KCNH5: variants seen among roughly 807,000 people sequenced by gnomAD.
KCNH5 encodes the protein voltage-gated delayed rectifier potassium channel KCNH5.
Under a neutral mutation model 96.1 loss-of-function variants are expected in KCNH5, and 46 were observed. The ratio of observed to expected loss-of-function variants is 0.48; its 90% confidence interval spans 0.38 to 0.61. The LOEUF (loss-of-function observed/expected upper bound fraction) is 0.61, where lower values mean the gene tolerates loss of function less well. Among genes scored for constraint, KCNH5 ranks in the 20% least tolerant of loss-of-function variants. KCNH5 has a pLI of 0.00. For synonymous variants in KCNH5, 439 were observed against 449.8 expected, an observed-to-expected ratio of 0.98 and a Z score of 0.30; for missense variants, 907 against 1,225.8, an observed-to-expected ratio of 0.74 and a Z score of 3.88.
intron 7 of KCNH5, among the ~76,000 whole-genome samples, chr14:62,922,875 G>C (rs1889405830): frequency 6.6e-6 from 1 of 151,832 alleles, no homozygotes; most frequent in Non-Finnish European, 1.5e-5. Context: ...TTTTCCGTAA[G>C]ATCAGAAAAA....
At chr14:62,954,529 G>A (rs1420663640) in intron 6 of KCNH5, among the ~76,000 whole-genome samples, 3 of 152,158 alleles carry the variant, frequency 2.0e-5, no homozygotes, top group Admixed American at 2.0e-4. Context: ...GGATCAATTT[G>A]GAGGGCTTTG....
intron 7 of KCNH5, among the ~76,000 whole-genome samples, chr14:62,939,465 AT>A (rs1467859547): frequency 6.6e-6 from 1 of 152,204 alleles, no homozygotes; most frequent in Non-Finnish European, 1.5e-5. Flanking sequence ...TTCCATCAGA[AT>A]AACCTGCAGG....
chr14:62,799,704 TATATATATATATATATATATATAC>T (rs1595627642), intron 9 of KCNH5, among the ~76,000 whole-genome samples: 2 of 102,354 alleles, frequency 2.0e-5, no homozygotes, highest in South Asian at 4.4e-4. Context: ...TATATATATA[TATATATATATATATATATATATAC>T]ACACACACAC....
chr14:62,882,086 G>A (rs576603435), intron 7 of KCNH5, among the ~76,000 whole-genome samples: 69 of 106,552 alleles, frequency 6.5e-4, no homozygotes, highest in African/African-American at 2.4e-3. Flanking sequence ...CTAACATAGA[G>A]AAACCCCATT....
chr14:62,856,701 C>T (rs1259988825), intron 7 of KCNH5, among the ~76,000 whole-genome samples: 2 of 152,082 alleles, frequency 1.3e-5, no homozygotes, highest in Admixed American at 6.6e-5. Flanking sequence ...TGGCTCCTGG[C>T]TTCGCTGGAT....
intron 7 of KCNH5, among the ~76,000 whole-genome samples, chr14:62,869,964 T>A (rs1486183730): frequency 6.6e-6 from 1 of 151,938 alleles, no homozygotes; most frequent in Non-Finnish European, 1.5e-5. Flanking sequence ...AATTGAAGAT[T>A]TAAACGTAAT....
At position 62,911,172 on chromosome 14, in the gene KCNH5, A is replaced by C. The variant is rs1889145426; in HGVS notation, c.1369+38961T>G. 2.0e-5 allele frequency among the ~76,000 whole-genome samples: 3 copies of C among 152,220 alleles called. No individual in the cohort carries two copies. The South Asian group carries it at 6.2e-4, about 32-fold the overall frequency. On this transcript the variant is annotated intron_variant, in intron 7 of 10. Transcript: ENST00000322893. ...GTGAAGGACACACAAGAATATATGA[A>C]TAAATGAAGGTATACCATGTGCATG...
At chr14:62,950,652 C>G in intron 6 of KCNH5, 93 bp from the exon 7 acceptor site, 4 of 1,049,442 alleles carry the variant, frequency 3.8e-6, no homozygotes, top group Non-Finnish European at 5.3e-6. Context: ...ATAAATTTAA[C>G]CATCCAATTA....
chr14:62,780,386 T>C (rs1886185273), intron 9 of KCNH5, among the ~76,000 whole-genome samples: 1 of 152,182 alleles, frequency 6.6e-6, no homozygotes, highest in Non-Finnish European at 1.5e-5. Flanking sequence ...AGTAACTATG[T>C]ATTGTGCCCC....
At chr14:62,948,518 T>A (rs1184889747) in intron 7 of KCNH5, among the ~76,000 whole-genome samples, 2 of 152,074 alleles carry the variant, frequency 1.3e-5, no homozygotes, top group Non-Finnish European at 2.9e-5. Flanking sequence ...CAATAATCAA[T>A]AGCTTACCAA....
chr14:62,902,475 T>C (rs1431891337), intron 7 of KCNH5, among the ~76,000 whole-genome samples: 3 of 152,106 alleles, frequency 2.0e-5, no homozygotes, highest in Non-Finnish European at 2.9e-5. Context: ...TAATAGTAGT[T>C]TTTCTTTCTT....
At chr14:62,819,752 T>C (rs1286828729) in intron 8 of KCNH5, among the ~76,000 whole-genome samples, 1 of 152,188 alleles carries the variant, frequency 6.6e-6, no homozygotes, top group South Asian at 2.1e-4. Flanking sequence ...AGTTACATGG[T>C]ATATACATAT....
chr14:62,721,833 C>G (rs1480770456), intron 10 of KCNH5, among the ~76,000 whole-genome samples: 1 of 152,166 alleles, frequency 6.6e-6, no homozygotes, highest in Non-Finnish European at 1.5e-5. Context: ...GGAAGGCAAT[C>G]ACAGGTAGAA....
chr14:62,991,944 A>G (rs867324739), intron 4 of KCNH5, among the ~76,000 whole-genome samples: 7 of 151,920 alleles, frequency 4.6e-5, no homozygotes, highest in Non-Finnish European at 8.8e-5. Flanking sequence ...CATATATTGT[A>G]CTCATTAAGA....
At chr14:62,869,127 G>A (rs958032721) in intron 7 of KCNH5, among the ~76,000 whole-genome samples, 1 of 152,162 alleles carries the variant, frequency 6.6e-6, no homozygotes, top group African/African-American at 2.4e-5. Context: ...CTTCCACAAT[G>A]GTTGAACTAA....
intron 8 of KCNH5, among the ~76,000 whole-genome samples, chr14:62,835,993 T>C (rs1183778680): frequency 1.1e-4 from 17 of 152,060 alleles, no homozygotes. Context: ...GAATTTAGAT[T>C]ACAGAACAGG....
chr14:63,005,099 C>T (rs1429209377), intron 3 of KCNH5, among the ~76,000 whole-genome samples: 2 of 152,130 alleles, frequency 1.3e-5, no homozygotes, highest in African/African-American at 4.8e-5. Context: ...TACAGTCTGC[C>T]TTTTCTCTTG....
At position 62,706,923 on chromosome 14, in the gene KCNH5, T is replaced by G. The variant is rs900362020; in HGVS notation, c.*585A>C. 2.0e-5 allele frequency: 3 copies of G among 152,158 alleles called. No individual in the cohort carries two copies. The highest frequency in any genetic ancestry group is 4.4e-5 in the Non-Finnish European group (3 of 68,016). The allele number at this position is 152,158 out of a possible 1,614,324, so 9.4% of individuals were successfully genotyped here. A position where few individuals can be genotyped will look rare whatever the true frequency, so the allele number is the denominator to read the frequency against. On this transcript the variant is annotated 3_prime_UTR_variant, in exon 11 of 11. Coordinates refer to ENST00000322893, the MANE Select transcript of KCNH5 (RefSeq NM_139318.5). Reference sequence around the variant, plus strand: ...AATTCATGCACAAAACCCATAGCAATAAGTTTTCAATATCCCACACTCTTA... The same window carrying G: ...AATTCATGCACAAAACCCATAGCAAGAAGTTTTCAATATCCCACACTCTTA...
At chr14:62,779,247 T>C (rs1017266788) in intron 10 of KCNH5, among the ~76,000 whole-genome samples, 4 of 152,240 alleles carry the variant, frequency 2.6e-5, no homozygotes, top group African/African-American at 9.6e-5. Flanking sequence ...GATGTGTCAA[T>C]GTGGCTAATT....
Sources: gnomAD v4.1 joint callset for allele counts (sites outside exome capture counted in the v4.1 genomes callset) on GRCh38, gnomAD v4.1.1 for gene constraint, MANE v1.5 for transcripts, NCBI Gene and HGNC (gene_info 2026-07-23, HGNC 2026-07-21) for gene names.